The following CHODL variants were observed in gnomAD, a reference collection of about 807,000 sequenced individuals.
CHODL encodes chondrolectin, also known as transmembrane protein MT75.
In CHODL, 29 loss-of-function variants were observed where a neutral mutation model predicts 34.5. The observed-to-expected ratio is 0.84, with a 90% CI of 0.63 to 1.15. The LOEUF (loss-of-function observed/expected upper bound fraction) is 1.15, where lower values mean the gene tolerates loss of function less well. Ranked by LOEUF, CHODL falls within the 50% of genes most tolerant of loss-of-function variation. The probability of loss-of-function intolerance (pLI) is 0.00; values close to 1 mark genes in which losing one functional copy is unlikely to be tolerated. For synonymous variants in CHODL, 125 were observed against 116.1 expected (o/e 1.08, Z -0.49); for missense variants, 332 against 332.5 (o/e 1.00, Z 0.01).
intron 1 of CHODL, among the ~76,000 whole-genome samples, chr21:17,972,162 G>C (rs750039351): frequency 1.2e-4 from 19 of 152,080 alleles, no homozygotes; most frequent in Non-Finnish European, 1.9e-4. Flanking sequence ...AATAATAAGA[G>C]CTATTTATGA....
chr21:18,117,580 T>C (rs2146571167), intron 2 of CHODL, among the ~76,000 whole-genome samples: 1 of 149,298 alleles, frequency 6.7e-6, no homozygotes, highest in East Asian at 1.9e-4. Context: ...CCCTAGGAAA[T>C]AGATTAATGA....
chr21:18,196,915 A>G (rs932789326), intron 2 of CHODL, among the ~76,000 whole-genome samples: 11 of 152,170 alleles, frequency 7.2e-5, no homozygotes, highest in Non-Finnish European at 1.5e-4. Context: ...TAGTGATTGC[A>G]GTTAATAATA....
intron 1 of CHODL, among the ~76,000 whole-genome samples, chr21:17,980,832 A>G (rs2897335): frequency 0.045 from 6,849 of 152,230 alleles, 527 homozygotes; most frequent in African/African-American, 0.15. Context: ...GGATGAGGAT[A>G]GGAGAAAATT....
At chr21:18,181,881 C>G (rs896548626) in intron 2 of CHODL, among the ~76,000 whole-genome samples, 7 of 152,178 alleles carry the variant, frequency 4.6e-5, no homozygotes, top group Non-Finnish European at 8.8e-5. Flanking sequence ...TACTTTATTT[C>G]AACACTTCAT....
At chr21:18,259,864 A>G (rs1191783573) in intron 3 of CHODL, among the ~76,000 whole-genome samples, 2 of 152,142 alleles carry the variant, frequency 1.3e-5, no homozygotes, top group Admixed American at 1.3e-4. Context: ...ACGTTTGCCA[A>G]TTCTTGGTTA....
At chr21:18,084,494 A>T (rs1224433306) in intron 2 of CHODL, among the ~76,000 whole-genome samples, 2 of 152,182 alleles carry the variant, frequency 1.3e-5, no homozygotes, top group African/African-American at 4.8e-5. Context: ...GAAAAATTTT[A>T]AAATTTGCAG....
intron 2 of CHODL, among the ~76,000 whole-genome samples, chr21:18,224,261 G>A (rs1339192216): frequency 1.3e-5 from 2 of 152,182 alleles, no homozygotes; most frequent in Admixed American, 6.6e-5. Flanking sequence ...GCCACTGATC[G>A]GCTAGAATAA....
At chr21:18,046,132 A>G (rs1315815294) in intron 2 of CHODL, among the ~76,000 whole-genome samples, 1 of 151,990 alleles carries the variant, frequency 6.6e-6, no homozygotes, top group African/African-American at 2.4e-5. Context: ...TGTGAGTAAG[A>G]TAAAGTGAGA....
chr21:17,936,682 A>G (rs2063321618), intron 1 of CHODL, among the ~76,000 whole-genome samples: 1 of 152,252 alleles, frequency 6.6e-6, no homozygotes, highest in South Asian at 2.1e-4. Context: ...AAGTGGTAAA[A>G]TATGAGTTCT....
At chr21:18,236,475 G>A (rs1283075371) in intron 2 of CHODL, among the ~76,000 whole-genome samples, 2 of 151,996 alleles carry the variant, frequency 1.3e-5, no homozygotes, top group South Asian at 4.1e-4. Context: ...TTTATTGATT[G>A]AAACTCTGAC....
chr21:18,119,815 A>G (rs1422448278), intron 2 of CHODL, among the ~76,000 whole-genome samples: 3 of 152,174 alleles, frequency 2.0e-5, no homozygotes, highest in Non-Finnish European at 4.4e-5. Context: ...CATCTAGTCA[A>G]TGCTCTGATT....
intron 2 of CHODL, among the ~76,000 whole-genome samples, chr21:18,163,734 G>A (rs1275950542): frequency 2.6e-5 from 4 of 151,962 alleles, no homozygotes; most frequent in Non-Finnish European, 5.9e-5. Context: ...TTGAGGTATT[G>A]TTTATATTTC....
At chr21:18,046,652 A>C (rs1339450429) in intron 2 of CHODL, among the ~76,000 whole-genome samples, 1 of 152,006 alleles carries the variant, frequency 6.6e-6, no homozygotes, top group Non-Finnish European at 1.5e-5. Flanking sequence ...TTAGAAATCC[A>C]AATGGAAATT....
chr21:18,249,149 A>ATG (rs2074204581), intron 1 of CHODL, among the ~76,000 whole-genome samples: 1 of 137,674 alleles, frequency 7.3e-6, no homozygotes, highest in Admixed American at 7.9e-5. Flanking sequence ...ATATATATAT[A>ATG]TAAAGGAGTC....
intron 2 of CHODL, among the ~76,000 whole-genome samples, chr21:18,137,669 C>T (rs758688565): frequency 4.6e-5 from 7 of 152,070 alleles, no homozygotes; most frequent in Non-Finnish European, 7.3e-5. Flanking sequence ...ACCTCTGAAG[C>T]AGATGCTGCC....
upstream of CHODL, among the ~76,000 whole-genome samples, chr21:18,240,414 A>T (rs9976695): frequency 0.95 from 145,076 of 152,148 alleles, 69,226 homozygotes; most frequent in East Asian, 1. Flanking sequence ...ACCAAACAGA[A>T]GAGGAAAGTT....
intron 2 of CHODL, among the ~76,000 whole-genome samples, chr21:18,036,648 T>G (rs1014185335): frequency 3.3e-5 from 5 of 152,030 alleles, no homozygotes; most frequent in Non-Finnish European, 7.4e-5. Context: ...AAAACAGTTC[T>G]ATTATATATA....
chr21:18,050,052 A>G (rs955016182), intron 2 of CHODL, among the ~76,000 whole-genome samples: 7 of 151,932 alleles, frequency 4.6e-5, no homozygotes, highest in African/African-American at 1.7e-4. Context: ...AAAATGAGGT[A>G]ATTGCAGATG....
chr21:17,938,713 CG>C (rs1490042933), intron 1 of CHODL, among the ~76,000 whole-genome samples: 4 of 151,942 alleles, frequency 2.6e-5, no homozygotes, highest in African/African-American at 9.7e-5. Flanking sequence ...CTCCTGACCT[CG>C]TGATCTACCT....
Sources: allele counts gnomAD v4.1 joint callset (sites outside exome capture counted in the v4.1 genomes callset), GRCh38; gene constraint gnomAD v4.1.1; transcripts MANE v1.5; gene names NCBI Gene and HGNC (gene_info 2026-07-23, HGNC 2026-07-21).